The following KIF13A variants were observed in gnomAD, a reference collection of about 807,000 sequenced individuals.
KIF13A encodes the protein kinesin family member 13A.
A neutral mutation model predicts 212.2 loss-of-function variants in KIF13A; 79 were observed. That is an observed-to-expected ratio of 0.37 (90% CI 0.31 to 0.45). The LOEUF (loss-of-function observed/expected upper bound fraction) is 0.45. Ranked by LOEUF, KIF13A falls within the 20% of genes least tolerant of loss-of-function variation. The pLI is 1.00. For synonymous variants in KIF13A, 789 were observed against 808.6 expected (o/e 0.98, Z 0.41); for missense variants, 1,901 against 2,209.0 (o/e 0.86, Z 2.79).
At chr6:17,946,995 T>A (rs1777460207) in intron 2 of KIF13A, among the ~76,000 whole-genome samples, 1 of 152,242 alleles carries the variant, frequency 6.6e-6, no homozygotes, top group Non-Finnish European at 1.5e-5. Context: ...TGGGTGAATT[T>A]TTATTATATG....
intron 28 of KIF13A, among the ~76,000 whole-genome samples, chr6:17,784,532 A>G (rs1345727490): frequency 6.6e-6 from 1 of 152,240 alleles, no homozygotes; most frequent in Non-Finnish European, 1.5e-5. Context: ...ATTTAAAAAA[A>G]TAAAAAAAGA....
At chr6:17,985,315 A>C (rs1781447501) in intron 2 of KIF13A, among the ~76,000 whole-genome samples, 1 of 152,210 alleles carries the variant, frequency 6.6e-6, no homozygotes, top group African/African-American at 2.4e-5. Context: ...CCTGATTAGT[A>C]ACTAACGTGG....
chr6:17,881,571 C>A lies in KIF13A; in HGVS notation c.160-8134G>T, dbSNP rs372020500. The A allele has an allele frequency of 2.8e-4, 108 of 388,792 alleles. 1 individual carries two copies. The East Asian group carries it at 5.6e-3, about 20-fold the overall frequency. The allele number at this position is 388,792 out of a possible 1,614,324, so 24.1% of individuals were successfully genotyped here. A position where few individuals can be genotyped will look rare whatever the true frequency, so the allele number is the denominator to read the frequency against. Reference sequence around the variant, plus strand: ...AATTAGCTGGGTGCGGCAGTGCACGCCTGTAATCCCAGCTACTCGGAAGGC... The same window carrying A: ...AATTAGCTGGGTGCGGCAGTGCACGACTGTAATCCCAGCTACTCGGAAGGC... On this transcript the variant is annotated intron_variant, in intron 3 of 38. Transcript: ENST00000259711.
At chr6:17,858,380 G>A (rs918103575) in intron 4 of KIF13A, among the ~76,000 whole-genome samples, 1 of 152,122 alleles carries the variant, frequency 6.6e-6, no homozygotes, top group African/African-American at 2.4e-5. Flanking sequence ...GCAAATACGT[G>A]TATATTCAGA....
At chr6:17,840,661 G>C (rs1037168011) in intron 9 of KIF13A, among the ~76,000 whole-genome samples, 3 of 152,020 alleles carry the variant, frequency 2.0e-5, no homozygotes, top group Admixed American at 2.0e-4. Flanking sequence ...CTTTGACAGT[G>C]TAAGGGGGAA....
rs147184507 is a variant in KIF13A, at chr6:17,955,514, T to G, written c.146+31540A>C. 5.3e-3 allele frequency among the ~76,000 whole-genome samples: 811 copies of G among 152,298 alleles called. 3 individuals carry two copies. The highest frequency in any genetic ancestry group is 0.034 in the Middle Eastern group (10 of 294). On this transcript the variant is annotated intron_variant, in intron 2 of 38. Transcript: ENST00000259711. ...ATCTTCCCTATAATTTCCACAAATA[T>G]ATTTGAAGAAGTGATTTTCTTGTGC... is the stretch of plus-strand genomic sequence containing the variant.
chr6:17,948,373 A>C (rs185188457), intron 2 of KIF13A, among the ~76,000 whole-genome samples: 2 of 152,310 alleles, frequency 1.3e-5, no homozygotes, highest in African/African-American at 4.8e-5. Context: ...TTAAAAGAGC[A>C]CAGTTTTCTT....
rs1561972286 is a variant in KIF13A at position 17,787,791 on chromosome 6, C to T, written c.3346G>A (p.Val1116Ile). 7.5e-6 allele frequency: 12 copies of T among 1,608,962 alleles called. No individual in the cohort carries two copies. Among genetic ancestry groups the T allele is most frequent in the Non-Finnish European group, 1.0e-5 (12 of 1,175,382 alleles). Residue 1116 changes from valine (V) to isoleucine (I), a missense_variant, in exon 27 of 39, where the codon GTC becomes ATC. By Grantham distance (29) the Val-to-Ile change is conservative (BLOSUM62 3). Around this residue, in one of 5 missense-constraint regions of KIF13A, gnomAD observed 168 missense variants for 250.9 expected, o/e 0.67. Transcript: ENST00000259711. This position sits in a 1 kb window ranked among gnomAD's most constrained non-coding sequence, Gnocchi z 4.6. ...TCTCACATACCTGTTTTATTGCTGA[C>T]TTTTTTTATCTGTTCATCCAGGTAT... ...REYLDEQIKKVSNKTEKTEDD... is the reference protein window; with the variant it reads ...REYLDEQIKKISNKTEKTEDD...
chr6:17,805,314 A>T (rs1441850499), intron 19 of KIF13A, among the ~76,000 whole-genome samples, 161 bp downstream of exon 19: 1 of 152,008 alleles, frequency 6.6e-6, no homozygotes, highest in Non-Finnish European at 1.5e-5. Flanking sequence ...CTTCTTTCAA[A>T]ATCACTTGTA....
Position 17,783,530 on chromosome 6 carries a change from A to C in KIF13A, c.3544+116T>G. 1 of 743,020 alleles carries C rather than the reference A, an allele frequency of 1.3e-6. No individual in the cohort carries two copies. Among genetic ancestry groups the C allele is most frequent in the Non-Finnish European group, 2.3e-6 (1 of 433,134 alleles). The allele number at this position is 743,020 out of a possible 1,614,324, so 46.0% of individuals were successfully genotyped here. On this transcript the variant is annotated intron_variant, in intron 29 of 38. Coordinates refer to ENST00000259711, the MANE Select transcript of KIF13A (RefSeq NM_022113.6). This position sits in a 1 kb window ranked among gnomAD's most constrained non-coding sequence, Gnocchi z 4.3. ...TTTAATGAGAACAAAAATGTCACCC[A>C]ATTTGGCACATGAATGATTAGAAGA...
chr6:17,817,363 GCCT>G, intron 16 of KIF13A, 130 bp from the exon 17 acceptor site: 1 of 703,480 alleles, frequency 1.4e-6, no homozygotes, highest in South Asian at 1.8e-5. Flanking sequence ...TTTGTGAGAG[GCCT>G]GAGGGGCCAC....
At chr6:17,893,002 C>T (rs1026100350) in intron 3 of KIF13A, among the ~76,000 whole-genome samples, 2 of 152,160 alleles carry the variant, frequency 1.3e-5, no homozygotes, top group Non-Finnish European at 2.9e-5. Flanking sequence ...CTGGGACTTG[C>T]GAATGGCATC....
chr6:17,938,824 T>A (rs1358779312), intron 2 of KIF13A, among the ~76,000 whole-genome samples: 1 of 151,698 alleles, frequency 6.6e-6, no homozygotes, highest in African/African-American at 2.4e-5. Flanking sequence ...AGTGAATTTT[T>A]TTTTTTTTTT....
At chr6:17,941,078 G>C (rs1269432154) in intron 2 of KIF13A, among the ~76,000 whole-genome samples, 10 of 152,142 alleles carry the variant, frequency 6.6e-5, no homozygotes, top group Non-Finnish European at 1.3e-4. Flanking sequence ...GCCTGCCTGG[G>C]CCTCCCAAAG....
chr6:17,760,506 T>G (rs192755070), downstream of KIF13A: 22 of 270,026 alleles, frequency 8.1e-5, no homozygotes, highest in East Asian at 1.5e-3. Flanking sequence ...AAGAACTGAT[T>G]AAAATTGTAC....
chr6:17,855,560 C>T lies in KIF13A; in HGVS notation c.371G>A (p.Arg124Lys), dbSNP rs1364308552. The T allele has an allele frequency of 1.2e-6, 2 of 1,613,722 alleles. No individual in the cohort carries two copies. Among genetic ancestry groups the T allele is most frequent in the Non-Finnish European group, 1.7e-6 (2 of 1,179,810 alleles). Residue 124 changes from arginine to lysine, a missense_variant, in exon 6 of 39, where the codon AGG becomes AAG. Transcript: ENST00000259711. The surrounding 1 kb of genome is among the most constrained non-coding windows in gnomAD (Gnocchi z 4.1). ...GHAEQLGLIP[R>K]LCCALFKRIS... ...CCTTTTAAATAAAGCACAGCAGAGC[C>T]TTGGAATAAGGCCCAGCTGCTCAGC...
chr6:17,829,710 A>G lies in KIF13A; in HGVS notation c.1402-1340T>C, dbSNP rs1479939887. Among the ~76,000 whole-genome samples the G allele has an allele frequency of 6.6e-6, 1 of 152,178 alleles. No individual in the cohort carries two copies. The highest frequency in any genetic ancestry group is 6.5e-5 in the Admixed American group (1 of 15,274). On this transcript the variant is annotated intron_variant, in intron 13 of 38. Transcript: ENST00000259711. The surrounding 1 kb of genome is among the most constrained non-coding windows in gnomAD (Gnocchi z 5.4). ...ATTGGTCTTTCAAAATCAGGATTTCAGAGACAATTCCTTACCCCTACTCAT... is the reference window on the plus strand; with the variant it reads ...ATTGGTCTTTCAAAATCAGGATTTCGGAGACAATTCCTTACCCCTACTCAT...
Position 17,826,924 on chromosome 6 carries a change from A to G in KIF13A, c.1533-800T>C, listed in dbSNP as rs562473764. Among the ~76,000 whole-genome samples the G allele has an allele frequency of 2.0e-5, 3 of 151,534 alleles. No homozygotes were observed. Among genetic ancestry groups the G allele is most frequent in the Non-Finnish European group, 4.4e-5 (3 of 67,840 alleles). ...TTTAAAATAATTTTTTTTTCTGGGC[A>G]TGGTGGTGGGCGCCTGTAATCCCAG... On this transcript the variant is annotated intron_variant, in intron 14 of 38. Transcript: ENST00000259711. This position sits in a 1 kb window ranked among gnomAD's most constrained non-coding sequence, Gnocchi z 4.7.
At chr6:17,946,824 T>C (rs1029844929) in intron 2 of KIF13A, among the ~76,000 whole-genome samples, 1 of 152,236 alleles carries the variant, frequency 6.6e-6, no homozygotes, top group Admixed American at 6.5e-5. Flanking sequence ...AAGGATGAAC[T>C]GTAGTATATT....
Sources: gnomAD v4.1 joint callset for allele counts (sites outside exome capture counted in the v4.1 genomes callset) on GRCh38, gnomAD v4.1.1 for gene constraint, gnomAD v4.1.1 regional missense constraint, Gnocchi (gnomAD v3.1) non-coding constraint, MANE v1.5 for transcripts, NCBI Gene and HGNC (gene_info 2026-07-23, HGNC 2026-07-21) for gene names.